CDK19: variants seen among roughly 807,000 people sequenced by gnomAD.
The protein encoded by CDK19 is cyclin-dependent kinase 19.
In CDK19, 20 loss-of-function variants were observed where a neutral mutation model predicts 68.3. The ratio of observed to expected loss-of-function variants is 0.29; its 90% CI spans 0.21 to 0.43. The LOEUF is 0.43. Among genes scored for constraint, CDK19 ranks in the 20% least tolerant of loss-of-function variants. CDK19 has a pLI of 1.00. For missense variants in CDK19, 339 were observed against 623.5 expected (o/e 0.54, Z 4.86); for synonymous variants, 221 against 222.8 (o/e 0.99, Z 0.07).
At chr6:110,680,191 A>G (rs567117028) in intron 2 of CDK19, among the ~76,000 whole-genome samples, 36 of 152,242 alleles carry the variant, frequency 2.4e-4, no homozygotes, top group Non-Finnish European at 4.3e-4. Context: ...CTACTCTACC[A>G]GAAGAATAAG....
At chr6:110,643,893 A>G (rs1395549906) in intron 4 of CDK19, among the ~76,000 whole-genome samples, 1 of 152,174 alleles carries the variant, frequency 6.6e-6, no homozygotes, top group Non-Finnish European at 1.5e-5. Flanking sequence ...CCTGGGCAAC[A>G]TAGTGAGACC....
intron 4 of CDK19, among the ~76,000 whole-genome samples, chr6:110,657,939 T>C (rs890833976): frequency 1.3e-5 from 2 of 152,276 alleles, no homozygotes. Context: ...GACAGATAGA[T>C]GTGCAGGACT....
intron 2 of CDK19, among the ~76,000 whole-genome samples, chr6:110,720,513 T>G (rs1393764354): frequency 6.6e-6 from 1 of 152,200 alleles, no homozygotes; most frequent in African/African-American, 2.4e-5. Context: ...AATTATTTGA[T>G]GGCATTAGCA....
chr6:110,623,272 T>C lies in CDK19; in HGVS notation c.933+18A>G. 6.2e-7 allele frequency: 1 copy of C among 1,606,086 alleles called. No individual in the cohort carries two copies. Among genetic ancestry groups the C allele is most frequent in the Non-Finnish European group, 8.5e-7 (1 of 1,173,038 alleles). ...TTGTGCTGAGAATCAGATTTTAGTC[T>C]GGGAGAGAAGCACCTACCAAGAGGA... On this transcript the variant is annotated intron_variant, in intron 9 of 12. Transcript: ENST00000368911.
rs752420953 is a variant in CDK19, at chr6:110,622,918, G to A, written c.934-6C>T. ...ATGGTCAGGAGTTTCTGAAGCTAGA[G>A]TGACACACAGGAAATGTACAGCACA... On this transcript the variant is annotated splice_region_variant and splice_polypyrimidine_tract_variant and intron_variant, in intron 9 of 12. Transcript: ENST00000368911. 6.4e-7 allele frequency: 1 copy of A among 1,562,714 alleles called. No homozygotes were observed. The highest frequency in any genetic ancestry group is 2.2e-5 in the East Asian group (1 of 44,602).
chr6:110,734,520 G>GCTCT (rs34004722), intron 2 of CDK19, among the ~76,000 whole-genome samples: 9,195 of 85,672 alleles, frequency 0.11, 1,221 homozygotes, highest in Middle Eastern at 0.19. Flanking sequence ...GGTGAGCACT[G>GCTCT]CTCTCTCTCT....
intron 4 of CDK19, among the ~76,000 whole-genome samples, chr6:110,667,031 A>T (rs941465067): frequency 2.6e-5 from 4 of 152,158 alleles, no homozygotes; most frequent in African/African-American, 9.7e-5. Flanking sequence ...ACTAGATGCA[A>T]TGTCATTATT....
At chr6:110,629,928 T>C (rs1779336256) in intron 6 of CDK19, among the ~76,000 whole-genome samples, 1 of 152,238 alleles carries the variant, frequency 6.6e-6, no homozygotes, top group Non-Finnish European at 1.5e-5. Flanking sequence ...TAAAATTCAA[T>C]TTCATTTTTC....
intron 8 of CDK19, among the ~76,000 whole-genome samples, chr6:110,625,441 G>A (rs568429016): frequency 1.6e-4 from 24 of 152,122 alleles, no homozygotes; most frequent in East Asian, 7.7e-4. Flanking sequence ...GATTACAGGC[G>A]TGAGTGAGCC....
At chr6:110,746,310 T>A in intron 1 of CDK19, 109 bp from the exon 2 acceptor site, 1 of 616,318 alleles carries the variant, frequency 1.6e-6, no homozygotes. Context: ...TATGTAAACA[T>A]TCTCATTATA....
At chr6:110,711,518 T>C (rs767516270) in intron 2 of CDK19, among the ~76,000 whole-genome samples, 3 of 152,182 alleles carry the variant, frequency 2.0e-5, no homozygotes, top group Non-Finnish European at 4.4e-5. Flanking sequence ...AATGTCCTAG[T>C]GCTTTATTCA....
intron 4 of CDK19, among the ~76,000 whole-genome samples, chr6:110,647,439 T>C (rs1267627288): frequency 6.6e-6 from 1 of 152,008 alleles, no homozygotes; most frequent in Admixed American, 6.5e-5. Flanking sequence ...CAGAGAGAAT[T>C]ATGAAGCCTT....
intron 12 of CDK19, among the ~76,000 whole-genome samples, chr6:110,617,615 C>T (rs1471807085): frequency 6.7e-6 from 1 of 149,406 alleles, no homozygotes; most frequent in Admixed American, 6.7e-5. Context: ...GAAACCCTGT[C>T]TTTACTTAAA....
At chr6:110,700,344 G>A (rs562978555) in intron 2 of CDK19, among the ~76,000 whole-genome samples, 82 of 152,248 alleles carry the variant, frequency 5.4e-4, no homozygotes, top group African/African-American at 1.7e-3. Context: ...AGCATCCCCC[G>A]AACCCCGGTA....
chr6:110,632,167 A>G lies in CDK19; in HGVS notation c.515-6T>C, dbSNP rs1383653102. The stretch of plus-strand genomic sequence containing the variant: ...TCTGGCAAAACCCATGTCAGCTAAA[A>G]AAATAAAATAAATTAACATAAAATT... On this transcript the variant is annotated splice_region_variant and splice_polypyrimidine_tract_variant and intron_variant, in intron 5 of 12. Coordinates refer to ENST00000368911, the MANE Select transcript of CDK19 (RefSeq NM_015076.5). 2 of 1,583,696 alleles carry G rather than the reference A, an allele frequency of 1.3e-6. No homozygotes were observed. The highest frequency in any genetic ancestry group is 1.2e-5 in the South Asian group (1 of 86,836).
chr6:110,654,664 C>A (rs74295721), intron 4 of CDK19, among the ~76,000 whole-genome samples: 6 of 152,270 alleles, frequency 3.9e-5, no homozygotes, highest in African/African-American at 1.4e-4. Flanking sequence ...AAGATGGCTG[C>A]GTGCAGTGGC....
intron 5 of CDK19, among the ~76,000 whole-genome samples, chr6:110,636,462 AG>A (rs1208620720): frequency 6.6e-6 from 1 of 152,222 alleles, no homozygotes; most frequent in Non-Finnish European, 1.5e-5. Context: ...CAAAAGTGGG[AG>A]GCAGAAAAAT....
intron 1 of CDK19, 78 bp from the exon 2 acceptor site, chr6:110,746,279 A>T: frequency 1.2e-6 from 1 of 804,058 alleles, no homozygotes; most frequent in Non-Finnish European, 2.0e-6. Flanking sequence ...AACAATGGAA[A>T]TGCACTTAAT....
Position 110,646,570 on chromosome 6 carries a change from T to A in CDK19, c.457-7864A>T, listed in dbSNP as rs555111031. The A allele has an allele frequency of 2.5e-5, 23 of 921,680 alleles. No homozygotes were observed. The East Asian group carries it at 6.8e-4, about 27-fold the overall frequency. 57.1% of individuals were successfully genotyped at this position (921,680 alleles called of 1,614,324 possible). The stretch of plus-strand genomic sequence containing the variant: ...TTAAGTCGTGCTGAGTACGGCCACC[T>A]GCAGGGGGTCAACCGGGCCAACGGC... On this transcript the variant is annotated intron_variant, in intron 4 of 12. Coordinates refer to ENST00000368911, the MANE Select transcript of CDK19 (RefSeq NM_015076.5).
Sources: gnomAD v4.1 joint callset for allele counts (sites outside exome capture counted in the v4.1 genomes callset) on GRCh38, gnomAD v4.1.1 for gene constraint, MANE v1.5 for transcripts, NCBI Gene and HGNC (gene_info 2026-07-23, HGNC 2026-07-21) for gene names.